Variants in ZNRF1 observed in about 807,000 individuals in gnomAD.
The protein encoded by ZNRF1 is zinc and ring finger 1, also known as E3 ubiquitin-protein ligase ZNRF1.
In ZNRF1, 3 loss-of-function variants were observed where a neutral mutation model predicts 18.4. That is an observed-to-expected ratio of 0.16 (90% CI 0.07 to 0.42). The LOEUF (loss-of-function observed/expected upper bound fraction) is 0.42, where lower values mean the gene tolerates loss of function less well. Among genes scored for constraint, ZNRF1 ranks in the 10% least tolerant of loss-of-function variants. ZNRF1 has a pLI of 0.99. For missense variants in ZNRF1, 310 were observed against 329.8 expected (o/e 0.94, Z 0.47); for synonymous variants, 157 against 144.2 (o/e 1.09, Z -0.64).
chr16:75,082,207 G>A (rs947086241), intron 1 of ZNRF1, among the ~76,000 whole-genome samples: 4 of 152,086 alleles, frequency 2.6e-5, no homozygotes, highest in South Asian at 4.1e-4. Context: ...GTATCTGCTC[G>A]GACTCAGGTC....
intron 1 of ZNRF1, among the ~76,000 whole-genome samples, chr16:75,024,471 G>C (rs1265076888): frequency 6.6e-6 from 1 of 152,212 alleles, no homozygotes; most frequent in African/African-American, 2.4e-5. Flanking sequence ...TAGGAATAAA[G>C]ATAAAGGTAG....
At chr16:75,040,557 G>T (rs1027757675) in intron 1 of ZNRF1, among the ~76,000 whole-genome samples, 1 of 149,260 alleles carries the variant, frequency 6.7e-6, no homozygotes, top group Non-Finnish European at 1.5e-5. Context: ...TTTCTGTTTG[G>T]TGTCCTTCAC....
At chr16:75,027,198 G>A (rs1008877539) in intron 1 of ZNRF1, among the ~76,000 whole-genome samples, 1 of 151,482 alleles carries the variant, frequency 6.6e-6, no homozygotes, top group Admixed American at 6.6e-5. Flanking sequence ...ATGAGCCCAG[G>A]AGGTCAAGGC....
intron 1 of ZNRF1, among the ~76,000 whole-genome samples, chr16:75,030,021 C>T (rs1173799748): frequency 6.8e-6 from 1 of 147,800 alleles, no homozygotes; most frequent in Non-Finnish European, 1.5e-5. Flanking sequence ...TGAGAGAGCA[C>T]CACTGCATTC....
At chr16:75,105,081 G>C (rs1337484685) in intron 3 of ZNRF1, 192 bp downstream of exon 3, 1 of 531,816 alleles carries the variant, frequency 1.9e-6, no homozygotes, top group Non-Finnish European at 3.4e-6. Context: ...CCCAAGTGCA[G>C]AGCAGAGTGG....
chr16:75,105,278 G>A (rs1226577145), intron 3 of ZNRF1: 1 of 203,958 alleles, frequency 4.9e-6, no homozygotes, highest in Non-Finnish European at 1.0e-5. Context: ...ATCTGTGCGA[G>A]GAAGGCCAGG....
At chr16:75,030,222 A>T (rs561422198) in intron 1 of ZNRF1, among the ~76,000 whole-genome samples, 6 of 152,334 alleles carry the variant, frequency 3.9e-5, no homozygotes, top group African/African-American at 1.2e-4. Context: ...AAACACATGC[A>T]TCTATGGTCA....
chr16:75,073,320 T>C (rs1241161142), intron 1 of ZNRF1, among the ~76,000 whole-genome samples: 1 of 152,140 alleles, frequency 6.6e-6, no homozygotes, highest in Non-Finnish European at 1.5e-5. Flanking sequence ...TTCCTTTCTT[T>C]TTAGACCTCC....
chr16:75,082,846 A>C (rs1178481700), intron 1 of ZNRF1, among the ~76,000 whole-genome samples: 4 of 152,158 alleles, frequency 2.6e-5, no homozygotes, highest in African/African-American at 9.7e-5. Flanking sequence ...GAGCCACTGC[A>C]CCCGGCCAGG....
chr16:75,007,292 C>T (rs1380109110), intron 1 of ZNRF1, among the ~76,000 whole-genome samples: 1 of 151,950 alleles, frequency 6.6e-6, no homozygotes, highest in African/African-American at 2.4e-5. Context: ...TGGGCTCAAG[C>T]GATCCTCCTG....
chr16:75,011,415 C>A (rs1691620434), intron 1 of ZNRF1, among the ~76,000 whole-genome samples: 1 of 151,916 alleles, frequency 6.6e-6, no homozygotes, highest in Non-Finnish European at 1.5e-5. Context: ...AACTTTTTTT[C>A]AGAGACAAGG....
intron 1 of ZNRF1, among the ~76,000 whole-genome samples, chr16:75,060,078 G>A (rs562552513): frequency 2.0e-4 from 30 of 151,578 alleles, no homozygotes; most frequent in Non-Finnish European, 3.2e-4. Context: ...TTTTTGAGGC[G>A]AGTCTCACTC....
At position 75,062,364 on chromosome 16, in the gene ZNRF1, T is replaced by C. The variant is rs547239318; in HGVS notation, c.425-31208T>C. Among the ~76,000 whole-genome samples, 3 of 152,242 alleles carry C rather than the reference T, an allele frequency of 2.0e-5. No homozygotes were observed. In the East Asian group the frequency reaches 5.8e-4, roughly 29 times the overall value. On this transcript the variant is annotated intron_variant, in intron 1 of 4. Coordinates refer to ENST00000335325, the MANE Select transcript of ZNRF1 (RefSeq NM_032268.5). The stretch of plus-strand genomic sequence containing the variant: ...TCTGAAGGCAGCTGAGAAGTTTCCA[T>C]CGACAGTGGCTCATGGCCAGTGCAC...
intron 1 of ZNRF1, among the ~76,000 whole-genome samples, chr16:75,070,665 G>A (rs935724932): frequency 2.7e-5 from 4 of 147,858 alleles, no homozygotes; most frequent in East Asian, 2.1e-4. Context: ...CCCCAACCCC[G>A]CCCACCATAC....
At chr16:75,010,237 C>G (rs748296385) in intron 1 of ZNRF1, among the ~76,000 whole-genome samples, 1 of 152,176 alleles carries the variant, frequency 6.6e-6, no homozygotes, top group East Asian at 1.9e-4. Flanking sequence ...CCCGCCTCAG[C>G]CTCCCAAAGT....
intron 1 of ZNRF1, among the ~76,000 whole-genome samples, chr16:75,023,548 G>A (rs1318110002): frequency 2.0e-5 from 3 of 152,140 alleles, no homozygotes; most frequent in African/African-American, 7.2e-5. Flanking sequence ...GTTGGGCGTG[G>A]TGGCAGGCAC....
At chr16:75,045,985 C>G (rs994707397) in intron 1 of ZNRF1, among the ~76,000 whole-genome samples, 1 of 152,090 alleles carries the variant, frequency 6.6e-6, no homozygotes, top group Non-Finnish European at 1.5e-5. Flanking sequence ...TCATTGCAAT[C>G]TCCACCTCCT....
At chr16:75,054,693 C>G (rs1046895563) in intron 1 of ZNRF1, among the ~76,000 whole-genome samples, 1 of 152,254 alleles carries the variant, frequency 6.6e-6, no homozygotes, top group Non-Finnish European at 1.5e-5. Context: ...GCTGTTTTCT[C>G]AAGCTAAGTT....
chr16:75,084,099 C>T (rs1158759313), intron 1 of ZNRF1, among the ~76,000 whole-genome samples: 1 of 152,232 alleles, frequency 6.6e-6, no homozygotes, highest in Non-Finnish European at 1.5e-5. Context: ...GTCACTGCAG[C>T]AGTCAGGTAG....
Sources: gnomAD v4.1 joint callset for allele counts (sites outside exome capture counted in the v4.1 genomes callset) on GRCh38, gnomAD v4.1.1 for gene constraint, MANE v1.5 for transcripts, NCBI Gene and HGNC (gene_info 2026-07-23, HGNC 2026-07-21) for gene names.